The following USP24 variants were observed in gnomAD, a reference collection of about 807,000 sequenced individuals.
USP24 encodes the protein ubiquitin specific peptidase 24.
Under a neutral mutation model 361.6 loss-of-function variants are expected in USP24, and 97 were observed. The observed-to-expected ratio is 0.27, with a 90% CI of 0.23 to 0.32. The LOEUF is 0.32. Ranked by LOEUF, USP24 falls within the 10% of genes least tolerant of loss-of-function variation. The probability of loss-of-function intolerance (pLI) is 1.00; values close to 1 mark genes in which losing one functional copy is unlikely to be tolerated. For synonymous variants in USP24, 1,098 were observed against 1,124.6 expected (o/e 0.98, Z 0.47); for missense variants, 2,353 against 3,165.6 (o/e 0.74, Z 6.16).
chr1:55,199,612 T>TGAGA (rs1273622860), intron 1 of USP24, among the ~76,000 whole-genome samples: 2 of 147,448 alleles, frequency 1.4e-5, no homozygotes, highest in African/African-American at 5.3e-5. Flanking sequence ...TGTGTGTGTG[T>TGAGA]GTGTGTGTGT....
chr1:55,082,348 A>G (rs1001671458), intron 58 of USP24, among the ~76,000 whole-genome samples: 12 of 152,234 alleles, frequency 7.9e-5, no homozygotes, highest in African/African-American at 2.7e-4. Context: ...ATACCACAAT[A>G]AAGTGACCAG....
chr1:55,210,205 T>G (rs1644815414), intron 1 of USP24, among the ~76,000 whole-genome samples: 1 of 152,182 alleles, frequency 6.6e-6, no homozygotes, highest in African/African-American at 2.4e-5. Context: ...AACCATTAGA[T>G]TAACTCACAG....
At chr1:55,164,802 ATT>A (rs879467445) in intron 7 of USP24, among the ~76,000 whole-genome samples, 4 of 143,572 alleles carry the variant, frequency 2.8e-5, no homozygotes, top group Non-Finnish European at 3.1e-5. Context: ...AGTGCTCTGT[ATT>A]TTTTTTTTTT....
intron 63 of USP24, among the ~76,000 whole-genome samples, chr1:55,074,159 A>G (rs540478534): frequency 2.6e-5 from 4 of 151,666 alleles, no homozygotes; most frequent in Non-Finnish European, 5.9e-5. Context: ...ATGGTGCTGC[A>G]AGTTTGACTT....
intron 1 of USP24, among the ~76,000 whole-genome samples, chr1:55,206,973 C>T (rs970721328): frequency 6.6e-6 from 1 of 152,012 alleles, no homozygotes; most frequent in African/African-American, 2.4e-5. Flanking sequence ...TCGAGACCAG[C>T]CTGCGCAACA....
intron 1 of USP24, among the ~76,000 whole-genome samples, chr1:55,182,272 G>A (rs901671776): frequency 3.9e-5 from 6 of 152,138 alleles, no homozygotes; most frequent in East Asian, 1.9e-4. Context: ...GGATGGTCTC[G>A]ATCTCTTGAC....
intron 16 of USP24, among the ~76,000 whole-genome samples, chr1:55,149,136 C>T (rs994413688): frequency 6.6e-5 from 10 of 152,158 alleles, no homozygotes; most frequent in Admixed American, 2.0e-4. Context: ...TTTACACTTA[C>T]ACTGTACATT....
intron 1 of USP24, among the ~76,000 whole-genome samples, chr1:55,181,741 C>A (rs1027995418): frequency 7.9e-5 from 12 of 152,136 alleles, no homozygotes; most frequent in Non-Finnish European, 1.5e-4. Context: ...GTGAAAGAAA[C>A]AAAAGTCCCC....
At chr1:55,134,541 C>A in intron 28 of USP24, 128 bp from the exon 29 acceptor site, 1 of 768,794 alleles carries the variant, frequency 1.3e-6, no homozygotes, top group Non-Finnish European at 2.2e-6. Context: ...TTGAGGGAAG[C>A]ACAGTGCTCG....
intron 1 of USP24, among the ~76,000 whole-genome samples, chr1:55,199,618 T>TGAGAGA (rs771516226): frequency 0.032 from 3,317 of 105,262 alleles, 47 homozygotes; most frequent in Non-Finnish European, 0.049. Context: ...TGTGTGTGTG[T>TGAGAGA]GTGTGAGAGA....
In USP24 at chr1:55,067,619, A is replaced by G. The variant is rs1644846106; in HGVS notation, c.*1426T>C. On this transcript the variant is annotated 3_prime_UTR_variant, in exon 68 of 68. Transcript: ENST00000294383. ...CCACATGCCCACACAATGCCACAGC[A>G]GCCAGACAGGCACTTCAGGGCTGGC... 1 of 152,274 alleles carries G rather than the reference A, an allele frequency of 6.6e-6. No homozygotes were observed. The highest frequency in any genetic ancestry group is 6.5e-5 in the Admixed American group (1 of 15,292). 9.4% of individuals were successfully genotyped at this position (152,274 alleles called of 1,614,324 possible). A position where few individuals can be genotyped will look rare whatever the true frequency, so the allele number is the denominator to read the frequency against.
At chr1:55,168,112 G>A (rs1469273103) in intron 5 of USP24, among the ~76,000 whole-genome samples, 1 of 152,174 alleles carries the variant, frequency 6.6e-6, no homozygotes, top group East Asian at 1.9e-4. Flanking sequence ...TGGCTTGGGG[G>A]CAAGCAGAAA....
At chr1:55,166,316 T>G (rs1014625614) in intron 6 of USP24, among the ~76,000 whole-genome samples, 2 of 152,022 alleles carry the variant, frequency 1.3e-5, no homozygotes, top group African/African-American at 4.8e-5. Flanking sequence ...GTAACATTGG[T>G]CTTGAGAGAA....
chr1:55,167,472 A>G (rs1649003099), intron 5 of USP24, among the ~76,000 whole-genome samples: 1 of 152,198 alleles, frequency 6.6e-6, no homozygotes, highest in South Asian at 2.1e-4. Context: ...AATGTAGATC[A>G]TGGAGACACT....
At chr1:55,181,593 T>A (rs954689177) in intron 1 of USP24, among the ~76,000 whole-genome samples, 7 of 152,190 alleles carry the variant, frequency 4.6e-5, no homozygotes, top group Non-Finnish European at 1.0e-4. Flanking sequence ...AAACAAAAAA[T>A]TTCACTTGGC....
chr1:55,201,010 C>A (rs541030683), intron 1 of USP24, among the ~76,000 whole-genome samples: 9 of 152,170 alleles, frequency 5.9e-5, no homozygotes, highest in African/African-American at 9.6e-5. Flanking sequence ...ATAAAGACAC[C>A]GGCAATAGCT....
Position 55,088,921 on chromosome 1 carries a change from T to G in USP24, c.6668+706A>C, listed in dbSNP as rs1645311995. ...ATCATAGGTAATATACTACCAGGAG[T>G]TTTTTTTTTTTGAGTGGAGTCTCGC... On this transcript the variant is annotated intron_variant, in intron 55 of 67. Coordinates refer to ENST00000294383, the MANE Select transcript of USP24 (RefSeq NM_015306.3). Among the ~76,000 whole-genome samples the G allele has an allele frequency of 1.4e-5, 2 of 140,044 alleles. 1 individual carries two copies. The highest frequency in any genetic ancestry group is 4.4e-4 in the South Asian group (2 of 4,554). The allele number at this position is 140,044 out of a possible 152,430, so 91.9% of individuals were successfully genotyped here. A position where few individuals can be genotyped will look rare whatever the true frequency, so the allele number is the denominator to read the frequency against.
At position 55,079,690 on chromosome 1, in the gene USP24, C is replaced by G. The variant is rs567116778; in HGVS notation, c.7079-31G>C. On this transcript the variant is annotated intron_variant, in intron 59 of 67. Coordinates refer to ENST00000294383, the MANE Select transcript of USP24 (RefSeq NM_015306.3). ...GGAGACCAAAGAAACAAAACAGAAC[C>G]TGTCTCACCTGGTGTTACTCCACAA... 1.1e-5 allele frequency: 17 copies of G among 1,511,020 alleles called. No individual in the cohort carries two copies. In the East Asian group the frequency reaches 3.6e-4, roughly 32 times the overall value. The allele number at this position is 1,511,020 out of a possible 1,614,324, so 93.6% of individuals were successfully genotyped here.
chr1:55,152,894 A>T (rs1401343481), intron 16 of USP24, among the ~76,000 whole-genome samples: 1 of 152,192 alleles, frequency 6.6e-6, no homozygotes, highest in Non-Finnish European at 1.5e-5. Flanking sequence ...CTGAGCTAAG[A>T]GTCTCTTAAT....
Sources: allele counts gnomAD v4.1 joint callset (sites outside exome capture counted in the v4.1 genomes callset), GRCh38; gene constraint gnomAD v4.1.1; transcripts MANE v1.5; gene names NCBI Gene and HGNC (gene_info 2026-07-23, HGNC 2026-07-21).